Variants in SLC8A1 observed in about 807,000 individuals in gnomAD.
SLC8A1 encodes solute carrier family 8 member A1, also known as sodium/calcium exchanger 1.
SLC8A1 carries 18 observed loss-of-function variants against 68.3 expected under a neutral mutation model. That is an observed-to-expected ratio of 0.26 (90% CI 0.18 to 0.39). SLC8A1 has a LOEUF of 0.39. Among genes scored for constraint, SLC8A1 ranks in the 10% least tolerant of loss-of-function variants. The probability of loss-of-function intolerance (pLI) is 1.00; values close to 1 mark genes in which losing one functional copy is unlikely to be tolerated. For synonymous variants in SLC8A1, 475 were observed against 415.5 expected (o/e 1.14, Z -1.74); for missense variants, 985 against 1,156.7 (o/e 0.85, Z 2.15).
rs748692865 is a variant in SLC8A1, at chr2:40,139,615, C to T, written c.2223G>A (p.Val741=). The stretch of plus-strand genomic sequence containing the variant: ...TCCAGAACACAGTCAGAAAGTGCAT[C>T]ACGTAATCGAAACAGGAGGGCAGCT... The change falls in exon 7 of 8, where the codon GTG becomes GTA. Residue 741 remains valine (V), a synonymous_variant. Coordinates refer to ENST00000406785, the Ensembl canonical transcript of SLC8A1. The T allele has an allele frequency of 2.5e-6, 4 of 1,614,014 alleles. No homozygotes were observed. The African/African-American group carries it at 4.0e-5, about 16-fold the overall frequency.
intron 2 of SLC8A1, among the ~76,000 whole-genome samples, chr2:40,312,602 C>T (rs1443118116): frequency 3.9e-5 from 6 of 151,928 alleles, no homozygotes; most frequent in Non-Finnish European, 5.9e-5. Flanking sequence ...TCTATATATC[C>T]TGTATATTTC....
exon 2 of SLC8A1, chr2:40,429,412 T>C: frequency 6.2e-7 from 1 of 1,613,876 alleles, no homozygotes; most frequent in East Asian, 2.2e-5. Flanking sequence ...CCCGTCCATT[T>C]CAATTTCAGT....
chr2:40,163,338 A>G (rs2046008903), intron 5 of SLC8A1, among the ~76,000 whole-genome samples: 1 of 152,192 alleles, frequency 6.6e-6, no homozygotes, highest in South Asian at 2.1e-4. Flanking sequence ...ATCATCCCAT[A>G]AGGGAGAGAA....
intron 1 of SLC8A1, among the ~76,000 whole-genome samples, chr2:40,481,995 A>C (rs1000713878): frequency 4.6e-5 from 7 of 152,182 alleles, no homozygotes; most frequent in African/African-American, 1.7e-4. Context: ...GCTTGATAAA[A>C]ACAGAGATTT....
exon 8 of SLC8A1, chr2:40,103,051 T>C (rs937131418): frequency 1.3e-5 from 2 of 152,208 alleles, no homozygotes; most frequent in Admixed American, 6.5e-5. Flanking sequence ...TTTGCTTACC[T>C]TTCCCCCTGA....
intron 2 of SLC8A1, among the ~76,000 whole-genome samples, chr2:40,224,308 G>A (rs2058706365): frequency 6.6e-6 from 1 of 152,070 alleles, no homozygotes. Flanking sequence ...GAGTCAGAGA[G>A]GCCAACAGTG....
At chr2:40,253,225 A>G (rs2063261314) in intron 2 of SLC8A1, among the ~76,000 whole-genome samples, 1 of 149,960 alleles carries the variant, frequency 6.7e-6, no homozygotes, top group South Asian at 2.1e-4. Context: ...ATATTTACAT[A>G]TACATACATG....
At chr2:40,132,033 A>T (rs1222106037) in intron 7 of SLC8A1, among the ~76,000 whole-genome samples, 2 of 152,056 alleles carry the variant, frequency 1.3e-5, no homozygotes, top group Non-Finnish European at 2.9e-5. Context: ...GGTGTTTTTC[A>T]TGCCAAACAG....
chr2:40,302,487 C>T lies in SLC8A1; in HGVS notation c.1809-124632G>A, dbSNP rs1167736547. ...TGTGTATACACACATATATATGATA[C>T]ATATATATCATATATGTGTGTGTAT... On this transcript the variant is annotated intron_variant, in intron 2 of 7. Transcript: ENST00000406785. Among the ~76,000 whole-genome samples, 3 of 146,730 alleles carry T rather than the reference C, an allele frequency of 2.0e-5. No homozygotes were observed. In the South Asian group the frequency reaches 6.5e-4, roughly 32 times the overall value.
chr2:40,295,194 G>T (rs2070130862), intron 2 of SLC8A1, among the ~76,000 whole-genome samples: 1 of 151,816 alleles, frequency 6.6e-6, no homozygotes, highest in Non-Finnish European at 1.5e-5. Flanking sequence ...CAAACTCTTG[G>T]GCTCAAGTGA....
At chr2:40,376,170 T>A (rs143408939) in intron 2 of SLC8A1, among the ~76,000 whole-genome samples, 1 of 152,160 alleles carries the variant, frequency 6.6e-6, no homozygotes, top group Non-Finnish European at 1.5e-5. Context: ...GATTGCAATA[T>A]AAGTTTGTGA....
At chr2:40,200,190 AT>A (rs1223917921) in intron 2 of SLC8A1, among the ~76,000 whole-genome samples, 1 of 16,490 alleles carries the variant, frequency 6.1e-5, no homozygotes, top group South Asian at 1.7e-3. Flanking sequence ...ATATATATAT[AT>A]TTATATATAT....
At chr2:40,322,526 A>AG (rs1439406624) in intron 2 of SLC8A1, among the ~76,000 whole-genome samples, 3 of 137,928 alleles carry the variant, frequency 2.2e-5, no homozygotes, top group Non-Finnish European at 3.1e-5. Context: ...AAAAAAAAAA[A>AG]TTAGATGGGC....
intron 2 of SLC8A1, among the ~76,000 whole-genome samples, chr2:40,307,208 T>A (rs771730405): frequency 1.3e-5 from 2 of 150,950 alleles, no homozygotes; most frequent in African/African-American, 2.4e-5. Context: ...TAACAGAATG[T>A]TATTCAGCCT....
In SLC8A1 at chr2:40,170,350, C is replaced by G; in HGVS notation, c.1930+4475G>C. ...TGAACCTTCCTGAAGACAGGTTGGC[C>G]TAGCAAAAGGACAGGCAGAAAAATC... On this transcript the variant is annotated intron_variant, in intron 4 of 7. Coordinates refer to ENST00000406785, the Ensembl canonical transcript of SLC8A1. The G allele has an allele frequency of 6.2e-7, 1 of 1,613,872 alleles. No homozygotes were observed. Among genetic ancestry groups the G allele is most frequent in the Non-Finnish European group, 8.5e-7 (1 of 1,179,824 alleles).
At chr2:40,235,642 C>G (rs1270641416) in intron 2 of SLC8A1, among the ~76,000 whole-genome samples, 1 of 151,946 alleles carries the variant, frequency 6.6e-6, no homozygotes, top group Non-Finnish European at 1.5e-5. Flanking sequence ...CTTCTGCTAG[C>G]TTTTGAATGT....
chr2:40,360,985 C>T (rs539790180), intron 2 of SLC8A1, among the ~76,000 whole-genome samples: 2 of 151,522 alleles, frequency 1.3e-5, no homozygotes, highest in African/African-American at 4.8e-5. Flanking sequence ...GTGTGGATCT[C>T]ATTCCATGAA....
intron 2 of SLC8A1, among the ~76,000 whole-genome samples, chr2:40,408,460 TCTC>T (rs1474149656): frequency 6.6e-6 from 1 of 152,162 alleles, no homozygotes; most frequent in East Asian, 1.9e-4. Context: ...TTTTCTCCAT[TCTC>T]CTCCTAAAAC....
intron 1 of SLC8A1, among the ~76,000 whole-genome samples, chr2:40,439,075 G>T (rs4993292): frequency 0.084 from 12,788 of 152,020 alleles, 938 homozygotes; most frequent in East Asian, 0.25. Flanking sequence ...ATGAAGCCCC[G>T]TAGTGAATAT....
Sources: allele counts gnomAD v4.1 joint callset (sites outside exome capture counted in the v4.1 genomes callset), GRCh38; gene constraint gnomAD v4.1.1; transcripts MANE v1.5; gene names NCBI Gene and HGNC (gene_info 2026-07-23, HGNC 2026-07-21).